Variants in TSHZ2 observed in about 807,000 individuals in gnomAD.
The protein encoded by TSHZ2 is teashirt zinc finger homeobox 2.
In TSHZ2, 21 loss-of-function variants were observed where a neutral mutation model predicts 74.4. The observed-to-expected ratio is 0.28, with a 90% CI of 0.20 to 0.41. The LOEUF is 0.41. TSHZ2 is among the 10% of genes least tolerant of loss of function. TSHZ2 has a pLI of 1.00. For missense variants in TSHZ2, 1,244 were observed against 1,293.5 expected, an observed-to-expected ratio of 0.96 and a Z score of 0.59; for synonymous variants, 540 against 515.3, an observed-to-expected ratio of 1.05 and a Z score of -0.65.
At chr20:53,087,755 G>C (rs1985742994) in intron 1 of TSHZ2, among the ~76,000 whole-genome samples, 2 of 152,166 alleles carry the variant, frequency 1.3e-5, no homozygotes, top group Admixed American at 6.5e-5. Context: ...CATTGGCAGG[G>C]ACTTAAATGA....
At chr20:53,385,040 G>A (rs1029950101) in intron 2 of TSHZ2, among the ~76,000 whole-genome samples, 2 of 152,246 alleles carry the variant, frequency 1.3e-5, no homozygotes, top group African/African-American at 4.8e-5. Flanking sequence ...AGAATGGCGT[G>A]AACCCGGGAG....
intron 2 of TSHZ2, among the ~76,000 whole-genome samples, chr20:53,474,007 T>C (rs1389458334): frequency 6.6e-6 from 1 of 151,114 alleles, no homozygotes; most frequent in Admixed American, 6.6e-5. Flanking sequence ...TGGGACTATG[T>C]GAAAAGACCA....
At chr20:53,039,202 G>A (rs1027400459) in intron 1 of TSHZ2, among the ~76,000 whole-genome samples, 3 of 151,854 alleles carry the variant, frequency 2.0e-5, no homozygotes, top group Non-Finnish European at 4.4e-5. Flanking sequence ...ACACATGGGG[G>A]GATGTGCTTT....
At chr20:53,131,824 C>T (rs78736334) in intron 1 of TSHZ2, among the ~76,000 whole-genome samples, 2 of 45,542 alleles carry the variant, frequency 4.4e-5, no homozygotes, top group Non-Finnish European at 4.3e-5. Context: ...TGACAACCCC[C>T]CCCCCCCCCC....
chr20:53,118,011 T>C (rs548903101), intron 1 of TSHZ2, among the ~76,000 whole-genome samples: 25 of 152,324 alleles, frequency 1.6e-4, no homozygotes, highest in Middle Eastern at 3.4e-3. Context: ...ACAGAATTAT[T>C]ATCCTTCTTA....
intron 1 of TSHZ2, among the ~76,000 whole-genome samples, chr20:53,107,822 C>T (rs549310013): frequency 6.6e-6 from 1 of 152,214 alleles, no homozygotes; most frequent in South Asian, 2.1e-4. Flanking sequence ...TTGAATTCTT[C>T]TAATTTAATG....
intron 2 of TSHZ2, among the ~76,000 whole-genome samples, chr20:53,462,277 C>A (rs1985403215): frequency 6.6e-6 from 1 of 151,896 alleles, no homozygotes; most frequent in Admixed American, 6.6e-5. Flanking sequence ...AACAAAAATT[C>A]ATTTTCTTAT....
chr20:53,395,966 C>T (rs143121956), intron 2 of TSHZ2, among the ~76,000 whole-genome samples: 117 of 152,244 alleles, frequency 7.7e-4, no homozygotes, highest in African/African-American at 2.7e-3. Flanking sequence ...GATGGAGTCT[C>T]GCTCTGTTGC....
chr20:53,038,884 TTTTG>T lies in TSHZ2; in HGVS notation c.40+65575_40+65578del, dbSNP rs3070069. Among the ~76,000 whole-genome samples the T allele has an allele frequency of 1.4e-3, 203 of 144,288 alleles. 2 individuals are homozygous for T. Among genetic ancestry groups the T allele is most frequent in the Middle Eastern group, 3.5e-3 (1 of 286 alleles). 94.7% of individuals were successfully genotyped at this position (144,288 alleles called of 152,430 possible). ...GTTTTTTTTTTGTTTGTTTGTTTTG[TTTTG>T]TTTGTTTGTTTGTTTGTTTGTTTTT... On this transcript the variant is annotated intron_variant, in intron 1 of 2. Transcript: ENST00000371497.
intron 2 of TSHZ2, among the ~76,000 whole-genome samples, chr20:53,472,965 G>A (rs541209506): frequency 4.6e-5 from 7 of 151,968 alleles, no homozygotes; most frequent in Non-Finnish European, 7.4e-5. Context: ...AAAAAACGGC[G>A]CACCACGAGA....
chr20:53,318,230 C>G (rs915735441), intron 2 of TSHZ2, among the ~76,000 whole-genome samples: 2 of 152,190 alleles, frequency 1.3e-5, no homozygotes, highest in African/African-American at 4.8e-5. Context: ...GAGAAAAGGG[C>G]ATCTTAGAAA....
intron 2 of TSHZ2, among the ~76,000 whole-genome samples, chr20:53,366,582 C>G (rs1981267457): frequency 6.6e-6 from 1 of 152,106 alleles, no homozygotes; most frequent in Non-Finnish European, 1.5e-5. Flanking sequence ...TCTCTTCGCC[C>G]AACGCAGAGT....
chr20:53,382,899 C>T (rs1322457882), intron 2 of TSHZ2, among the ~76,000 whole-genome samples: 4 of 151,602 alleles, frequency 2.6e-5, no homozygotes. Context: ...CTCCTCTCTG[C>T]GTGTTTCCTT....
chr20:53,158,911 A>G (rs1987861693), intron 1 of TSHZ2, among the ~76,000 whole-genome samples: 1 of 152,260 alleles, frequency 6.6e-6, no homozygotes, highest in Non-Finnish European at 1.5e-5. Flanking sequence ...TTTAAACCTT[A>G]AAACATTCTT....
intron 1 of TSHZ2, among the ~76,000 whole-genome samples, chr20:53,144,753 G>GTACTA (rs1987497863): frequency 6.6e-6 from 1 of 151,850 alleles, no homozygotes; most frequent in Admixed American, 6.6e-5. Context: ...TATGTTCCTC[G>GTACTA]TACTATGAGG....
intron 1 of TSHZ2, among the ~76,000 whole-genome samples, chr20:53,096,262 C>T (rs752493935): frequency 6.6e-6 from 1 of 152,174 alleles, no homozygotes; most frequent in Non-Finnish European, 1.5e-5. Flanking sequence ...TTGTTTCAGC[C>T]TCCCAAATAG....
intron 1 of TSHZ2, among the ~76,000 whole-genome samples, chr20:53,134,147 C>T (rs1258745203): frequency 6.6e-6 from 1 of 152,150 alleles, no homozygotes; most frequent in African/African-American, 2.4e-5. Flanking sequence ...ATAAAGTGGG[C>T]ACAACTCAGC....
intron 2 of TSHZ2, among the ~76,000 whole-genome samples, chr20:53,378,785 AG>A: frequency 6.6e-6 from 1 of 152,240 alleles, no homozygotes; most frequent in African/African-American, 2.4e-5. Flanking sequence ...GTTACCTTAC[AG>A]ATGTTGCTTA....
At chr20:53,000,567 C>G (rs1258962971) in intron 1 of TSHZ2, among the ~76,000 whole-genome samples, 2 of 151,972 alleles carry the variant, frequency 1.3e-5, no homozygotes, top group African/African-American at 2.4e-5. Flanking sequence ...TTTTTGAAAT[C>G]AATTTTTAAA....
Sources: gnomAD v4.1 joint callset for allele counts (sites outside exome capture counted in the v4.1 genomes callset) on GRCh38, gnomAD v4.1.1 for gene constraint, MANE v1.5 for transcripts, NCBI Gene and HGNC (gene_info 2026-07-23, HGNC 2026-07-21) for gene names.